The following LAMB3 variants were observed in gnomAD, a reference collection of about 807,000 sequenced individuals.
LAMB3 encodes laminin subunit beta 3, also known as laminin subunit beta-3.
A neutral mutation model predicts 140.3 loss-of-function variants in LAMB3; 104 were observed. That is an observed-to-expected ratio of 0.74 (90% CI 0.63 to 0.87). LAMB3 has a LOEUF of 0.87. Among genes scored for constraint, LAMB3 ranks in the 40% least tolerant of loss-of-function variants. LAMB3 has a pLI of 0.00. For missense variants in LAMB3, 1,531 were observed against 1,575.2 expected (o/e 0.97, Z 0.47); for synonymous variants, 592 against 602.9 (o/e 0.98, Z 0.26).
chr1:209,626,713 C>A (rs1440029591), intron 13 of LAMB3, among the ~76,000 whole-genome samples, 154 bp downstream of exon 13: 1 of 152,216 alleles, frequency 6.6e-6, no homozygotes. Context: ...GCCAACAGGC[C>A]GGAGTGTGTG....
chr1:209,643,870 A>T (rs2076492824), intron 3 of LAMB3, among the ~76,000 whole-genome samples: 1 of 151,990 alleles, frequency 6.6e-6, no homozygotes, highest in South Asian at 2.1e-4. Flanking sequence ...CCACATTCCT[A>T]TTGGTGAAAT....
intron 20 of LAMB3, 38 bp downstream of exon 20, chr1:209,617,869 A>G: frequency 1.2e-6 from 2 of 1,613,794 alleles, no homozygotes; most frequent in Non-Finnish European, 1.7e-6. Context: ...TTTCCTGTTT[A>G]TGCCCAAATA....
In LAMB3 at chr1:209,618,559, C is replaced by A. The variant is rs772602315; in HGVS notation, c.2802G>T (p.Glu934Asp). 3.2e-5 allele frequency: 52 copies of A among 1,614,152 alleles called. No homozygotes were observed. The highest frequency in any genetic ancestry group is 3.6e-5 in the Non-Finnish European group (43 of 1,180,060). ...GGAGCCTGGCTGCAATGGCCTGGATCTCATTCATCTTCTGCAGAACAGTAG... is the reference window on the plus strand; with the variant it reads ...GGAGCCTGGCTGCAATGGCCTGGATATCATTCATCTTCTGCAGAACAGTAG... Reference protein sequence around the residue: ...DSATVLQKMNEIQAIAARLPN... With the variant: ...DSATVLQKMNDIQAIAARLPN... Residue 934 changes from glutamate (E) to aspartate (D), a missense_variant, in exon 19 of 23, where the codon GAG becomes GAT. Transcript: ENST00000356082.
intron 3 of LAMB3, among the ~76,000 whole-genome samples, chr1:209,649,008 G>T (rs2076541668): frequency 6.6e-6 from 1 of 152,090 alleles, no homozygotes; most frequent in Admixed American, 6.5e-5. Flanking sequence ...ACATCCAAGT[G>T]GGTGAGATGC....
rs752797320 is a variant in LAMB3 at position 209,616,506 on chromosome 1, A to G, written c.3347T>C (p.Phe1116Ser). 16 of 1,613,948 alleles carry G rather than the reference A, an allele frequency of 9.9e-6. No homozygotes were observed. The highest frequency in any genetic ancestry group is 1.3e-5 in the Non-Finnish European group (15 of 1,180,000). Residue 1116 changes from phenylalanine (F) to serine (S), a missense_variant, in exon 22 of 23, where the codon TTT (phenylalanine) becomes TCT (serine). By Grantham distance (155) the Phe-to-Ser change is radical. Coordinates refer to ENST00000356082, the MANE Select transcript of LAMB3 (RefSeq NM_000228.3). ...QSVKTEAEEL[F>S]GETMEMMDRM... is the part of the protein sequence containing the mutation. ...GTCCATCATCTCCATGGTCTCCCCA[A>G]ACAGCTCCTCTGCCTCTGTCTTCAC...
chr1:209,631,059 C>T lies in LAMB3; in HGVS notation c.823-324G>A, dbSNP rs185504775. On this transcript the variant is annotated intron_variant, in intron 8 of 22. Coordinates refer to ENST00000356082, the MANE Select transcript of LAMB3 (RefSeq NM_000228.3). ...AGGCAGCGCTTGGCAGGTGCTCAGA[C>T]ACCCTTGGCAAACTGTGGGATCCAG... 3.1e-3 allele frequency among the ~76,000 whole-genome samples: 478 copies of T among 152,330 alleles called. 2 individuals are homozygous for T. Among genetic ancestry groups the T allele is most frequent in the African/African-American group, 0.011 (457 of 41,572 alleles).
intron 18 of LAMB3, among the ~76,000 whole-genome samples, chr1:209,621,438 C>T (rs936319490): frequency 5.3e-5 from 8 of 152,148 alleles, no homozygotes; most frequent in Admixed American, 1.3e-4. Context: ...GAGGGGACTT[C>T]GGCCTATCTG....
At chr1:209,628,688 C>T (rs1230065551) in intron 10 of LAMB3, among the ~76,000 whole-genome samples, 2 of 143,890 alleles carry the variant, frequency 1.4e-5, no homozygotes, top group Non-Finnish European at 3.0e-5. Context: ...AAGAGCGAAA[C>T]CATCTCCATT....
chr1:209,645,432 T>C (rs2076507632), intron 3 of LAMB3, among the ~76,000 whole-genome samples: 1 of 152,066 alleles, frequency 6.6e-6, no homozygotes, highest in Non-Finnish European at 1.5e-5. Context: ...AGCAGATATT[T>C]TGGGCCGGGG....
chr1:209,648,125 G>C (rs543290096), intron 3 of LAMB3, among the ~76,000 whole-genome samples: 1 of 152,324 alleles, frequency 6.6e-6, no homozygotes, highest in East Asian at 1.9e-4. Flanking sequence ...CCTCTGCAAA[G>C]GGTAGGCATG....
rs1301348578 is a variant in LAMB3 at position 209,632,305 on chromosome 1, C to T, written c.822+278G>A. On this transcript the variant is annotated intron_variant, in intron 8 of 22. Transcript: ENST00000356082. ...CTCTCAGTGAAATTATAATGCATAA[C>T]GAGGGTTGAGAATCATTGGCTTAAA... 7.2e-5 allele frequency among the ~76,000 whole-genome samples: 11 copies of T among 152,164 alleles called. 1 individual carries two copies. Among genetic ancestry groups the T allele is most frequent in the African/African-American group, 2.7e-4 (11 of 41,422 alleles).
At chr1:209,632,908 C>A in intron 7 of LAMB3, 132 bp from the exon 8 acceptor site, 3 of 1,043,120 alleles carry the variant, frequency 2.9e-6, no homozygotes, top group Non-Finnish European at 4.5e-6. Context: ...CATCCCATAG[C>A]ATCCCACAGA....
At chr1:209,635,044 T>G (rs1227731425) in intron 5 of LAMB3, among the ~76,000 whole-genome samples, 1 of 151,454 alleles carries the variant, frequency 6.6e-6, no homozygotes, top group Non-Finnish European at 1.5e-5. Flanking sequence ...AGAGAGCTCT[T>G]CCTGGGTGAT....
chr1:209,633,587 C>G (rs1037030563), intron 6 of LAMB3, among the ~76,000 whole-genome samples: 24 of 152,114 alleles, frequency 1.6e-4, no homozygotes, highest in Non-Finnish European at 3.2e-4. Flanking sequence ...CACTCATCAT[C>G]TACATATCCC....
rs768646871 is a variant in LAMB3 at position 209,623,665 on chromosome 1, G to C, written c.2198C>G (p.Ser733Cys). 5.0e-6 allele frequency: 8 copies of C among 1,614,222 alleles called. No homozygotes were observed. The highest frequency in any genetic ancestry group is 6.8e-6 in the Non-Finnish European group (8 of 1,180,034). Reference protein sequence around the residue: ...EQSAQAAQQVSDSSRLLDQLR... With the variant: ...EQSAQAAQQVCDSSRLLDQLR... ...CTGGTCCAAAAGGCGCGAGCTGTCG[G>C]AGACCTGCTGAGCAGCCTGGGCTGA... Residue 733 changes from serine (S) to cysteine (C), a missense_variant, in exon 16 of 23, where the codon TCC (serine) becomes TGC (cysteine). Transcript: ENST00000356082. The surrounding 1 kb of genome is among the most constrained non-coding windows in gnomAD (Gnocchi z 4.2).
chr1:209,647,717 C>T (rs943712163), intron 3 of LAMB3, among the ~76,000 whole-genome samples: 1 of 152,082 alleles, frequency 6.6e-6, no homozygotes, highest in African/African-American at 2.4e-5. Flanking sequence ...CCAGTACACC[C>T]CCTATCTCTA....
intron 3 of LAMB3, among the ~76,000 whole-genome samples, chr1:209,648,233 G>T (rs1429427920): frequency 2.0e-5 from 3 of 152,138 alleles, no homozygotes; most frequent in Non-Finnish European, 4.4e-5. Flanking sequence ...AAGAATGTTA[G>T]GGAAAAGGAG....
chr1:209,648,746 C>A (rs2076539135), intron 3 of LAMB3, among the ~76,000 whole-genome samples: 1 of 151,958 alleles, frequency 6.6e-6, no homozygotes, highest in Non-Finnish European at 1.5e-5. Flanking sequence ...TGCAAGTCAG[C>A]CTGAGAAAGG....
At chr1:209,633,358 T>C (rs1249067906) in intron 6 of LAMB3, among the ~76,000 whole-genome samples, 4 of 152,168 alleles carry the variant, frequency 2.6e-5, no homozygotes, top group African/African-American at 7.2e-5. Context: ...CCCCTGCCAG[T>C]TGAAAATATA....
Sources: allele counts gnomAD v4.1 joint callset (sites outside exome capture counted in the v4.1 genomes callset), GRCh38; gene constraint gnomAD v4.1.1; non-coding constraint Gnocchi (gnomAD v3.1); transcripts MANE v1.5; gene names NCBI Gene and HGNC (gene_info 2026-07-23, HGNC 2026-07-21).